The following CIMAP2 variants were observed in gnomAD, a reference collection of about 807,000 sequenced individuals.
The protein encoded by CIMAP2 is ciliary microtubule-associated protein 2.
chr1:54,830,202 C>A, the CIMAP2 span, among the ~76,000 whole-genome samples: 2 of 152,048 alleles, frequency 1.3e-5, no homozygotes, highest in African/African-American at 4.8e-5. This position sits in a 1 kb window ranked among gnomAD's most constrained non-coding sequence, Gnocchi z 4.1. Context: ...TTAATTCCCT[C>A]TTTTCTTTCT....
At chr1:54,811,775 C>CGGGGG in the CIMAP2 span, 5 of 484,760 alleles carry the variant, frequency 1.0e-5, no homozygotes, top group Non-Finnish European at 1.2e-5. Context: ...GCCTCCATGC[C>CGGGGG]CCCACCCCCG....
At chr1:54,824,088 C>G in the CIMAP2 span, among the ~76,000 whole-genome samples, 6,704 of 152,176 alleles carry the variant, frequency 0.044, 421 homozygotes, top group East Asian at 0.18. Flanking sequence ...GTCATGCAAT[C>G]ATGGCTCAGT....
chr1:54,832,791 G>GC, the CIMAP2 span, among the ~76,000 whole-genome samples: 4 of 152,216 alleles, frequency 2.6e-5, no homozygotes, highest in Admixed American at 6.5e-5. Context: ...ACTTTGGGAG[G>GC]CCGAGGCAGG....
chr1:54,834,557 T>A, the CIMAP2 span, among the ~76,000 whole-genome samples: 3 of 152,248 alleles, frequency 2.0e-5, no homozygotes, highest in Non-Finnish European at 4.4e-5. Flanking sequence ...AGGTTGAGTC[T>A]CTCTTGTCTG....
the CIMAP2 span, among the ~76,000 whole-genome samples, chr1:54,832,417 C>T: frequency 6.6e-6 from 1 of 152,090 alleles, no homozygotes; most frequent in Non-Finnish European, 1.5e-5. Flanking sequence ...AAACATAATA[C>T]AACAAAACAA....
the CIMAP2 span, chr1:54,807,442 C>T: frequency 7.1e-7 from 1 of 1,412,680 alleles, no homozygotes; most frequent in South Asian, 1.5e-5. Flanking sequence ...TCCTCCGGGT[C>T]AGGGTGGTGG....
chr1:54,811,776 C>CCCCCCCCCCCCCCCAACACCCCCA, the CIMAP2 span: 1 of 491,898 alleles, frequency 2.0e-6, no homozygotes, highest in Non-Finnish European at 3.9e-6. Context: ...CCTCCATGCC[C>CCCCCCCCCCCCCCCAACACCCCCA]CCACCCCCGC....
chr1:54,815,065 C>A, the CIMAP2 span: 1 of 1,612,390 alleles, frequency 6.2e-7, no homozygotes, highest in Non-Finnish European at 8.5e-7. Flanking sequence ...GTGAGGGATA[C>A]ATGGGAACTC....
At chr1:54,806,100 C>A in the CIMAP2 span, 2 of 1,508,500 alleles carry the variant, frequency 1.3e-6, no homozygotes, top group African/African-American at 1.4e-5. Flanking sequence ...CGGAGGCGGG[C>A]AGCGCGCAGG....
the CIMAP2 span, among the ~76,000 whole-genome samples, chr1:54,808,521 G>C: frequency 3.9e-5 from 6 of 152,114 alleles, no homozygotes; most frequent in South Asian, 1.3e-3. Context: ...CCGAGGGTGA[G>C]AGGAGGCGAG....
the CIMAP2 span, among the ~76,000 whole-genome samples, chr1:54,829,544 T>C: frequency 1.3e-5 from 2 of 152,234 alleles, no homozygotes; most frequent in African/African-American, 4.8e-5. Context: ...TTATGCACTC[T>C]TTCACTGACT....
the CIMAP2 span, among the ~76,000 whole-genome samples, chr1:54,831,288 A>C: frequency 6.6e-6 from 1 of 152,232 alleles, no homozygotes; most frequent in African/African-American, 2.4e-5. Flanking sequence ...TATGAAATGC[A>C]TATTTTTCTG....
chr1:54,840,575 G>A, the CIMAP2 span, among the ~76,000 whole-genome samples: 1 of 152,192 alleles, frequency 6.6e-6, no homozygotes, highest in African/African-American at 2.4e-5. Flanking sequence ...TCTTGAAATG[G>A]CTGGTCCATT....
chr1:54,817,213 ATGGGAACACAGCTTC>A, the CIMAP2 span: 1 of 1,525,098 alleles, frequency 6.6e-7, no homozygotes. Context: ...TTTGGTTCCC[ATGGGAACACAGCTTC>A]TGCCCCTAAT....
At chr1:54,841,636 A>G in the CIMAP2 span, 2 of 1,614,126 alleles carry the variant, frequency 1.2e-6, no homozygotes, top group Non-Finnish European at 1.7e-6. Flanking sequence ...TTTTGTTGGA[A>G]AGGCCTAGAA....
At chr1:54,812,123 C>T in the CIMAP2 span, 8 of 1,614,102 alleles carry the variant, frequency 5.0e-6, no homozygotes, top group South Asian at 3.3e-5. Flanking sequence ...TCGGCACCCG[C>T]GGCCCCTATG....
the CIMAP2 span, among the ~76,000 whole-genome samples, chr1:54,833,384 C>A: frequency 6.6e-6 from 1 of 152,200 alleles, no homozygotes; most frequent in Non-Finnish European, 1.5e-5. Context: ...CAAAACACAA[C>A]ACGTTCTCAA....
chr1:54,820,239 C>G, the CIMAP2 span, among the ~76,000 whole-genome samples: 2 of 151,574 alleles, frequency 1.3e-5, no homozygotes, highest in South Asian at 4.2e-4. Flanking sequence ...ATGAACATGG[C>G]TCACTGCAGC....
At chr1:54,819,560 A>G in the CIMAP2 span, among the ~76,000 whole-genome samples, 1 of 152,182 alleles carries the variant, frequency 6.6e-6, no homozygotes, top group Non-Finnish European at 1.5e-5. Context: ...TTGTAGAGAC[A>G]GAGTCTCACT....
Sources: allele counts gnomAD v4.1 joint callset (sites outside exome capture counted in the v4.1 genomes callset), GRCh38; gene constraint gnomAD v4.1.1; non-coding constraint Gnocchi (gnomAD v3.1); transcripts MANE v1.5; gene names NCBI Gene and HGNC (gene_info 2026-07-23, HGNC 2026-07-21).